CACNA2D3: variants seen among roughly 807,000 people sequenced by gnomAD.
CACNA2D3 encodes voltage-dependent calcium channel subunit alpha-2/delta-3.
A neutral mutation model predicts 160.6 loss-of-function variants in CACNA2D3; 60 were observed. The ratio of observed to expected loss-of-function variants is 0.37; its 90% CI spans 0.30 to 0.46. CACNA2D3 has a LOEUF of 0.46. Ranked by LOEUF, CACNA2D3 falls within the 20% of genes least tolerant of loss-of-function variation. CACNA2D3 has a pLI of 1.00. For missense variants in CACNA2D3, 1,205 were observed against 1,365.0 expected (o/e 0.88, Z 1.85); for synonymous variants, 558 against 492.9 (o/e 1.13, Z -1.75).
rs572126263 is a variant in CACNA2D3 at position 55,045,297 on chromosome 3, A to T, written c.2987+26980A>T. 4.6e-5 allele frequency among the ~76,000 whole-genome samples: 7 copies of T among 152,180 alleles called. No homozygotes were observed. The South Asian group carries it at 1.5e-3, about 32-fold the overall frequency. On this transcript the variant is annotated intron_variant, in intron 35 of 37. Transcript: ENST00000474759. Reference sequence around the variant, plus strand: ...ACTCCTGACCTCAGGTGATCCACCCACCTCGGCCTCCCAAAGTGCTGGGAT... The same window carrying T: ...ACTCCTGACCTCAGGTGATCCACCCTCCTCGGCCTCCCAAAGTGCTGGGAT...
chr3:54,221,875 G>A (rs760200751), intron 2 of CACNA2D3, among the ~76,000 whole-genome samples: 15 of 151,242 alleles, frequency 9.9e-5, no homozygotes, highest in Non-Finnish European at 1.5e-4. Flanking sequence ...TTGAGATGAG[G>A]CATTCTTCTG....
At position 54,592,137 on chromosome 3, in the gene CACNA2D3, C is replaced by T. The variant is rs185215477; in HGVS notation, c.963+10260C>T. Among the ~76,000 whole-genome samples, 43 of 152,198 alleles carry T rather than the reference C, an allele frequency of 2.8e-4. No homozygotes were observed. In the East Asian group the frequency reaches 7.7e-3, roughly 27 times the overall value. On this transcript the variant is annotated intron_variant, in intron 9 of 37. Transcript: ENST00000474759. ...CTGGTTTCACAATACTCGGGTGACC[C>T]CCTGAGAAGTCAGAAGTAGATCATT...
At chr3:54,233,638 G>A (rs1248955313) in intron 2 of CACNA2D3, among the ~76,000 whole-genome samples, 1 of 152,134 alleles carries the variant, frequency 6.6e-6, no homozygotes, top group Non-Finnish European at 1.5e-5. Context: ...TCATTCTTTG[G>A]GACAGAATTC....
intron 11 of CACNA2D3, among the ~76,000 whole-genome samples, chr3:54,698,248 G>T (rs926948656): frequency 2.0e-5 from 3 of 152,152 alleles, no homozygotes; most frequent in African/African-American, 7.2e-5. Flanking sequence ...GCAAATTAGG[G>T]GGTGTAGGTT....
At chr3:54,644,579 T>C (rs1024376084) in intron 11 of CACNA2D3, among the ~76,000 whole-genome samples, 2 of 152,220 alleles carry the variant, frequency 1.3e-5, no homozygotes, top group African/African-American at 4.8e-5. Flanking sequence ...TAGAGAGTTG[T>C]GCCATGTTGT....
intron 5 of CACNA2D3, among the ~76,000 whole-genome samples, chr3:54,532,649 G>C (rs1208058346): frequency 6.6e-6 from 1 of 152,172 alleles, no homozygotes; most frequent in Admixed American, 6.5e-5. Context: ...TTTTATGGGT[G>C]AGTAATATTC....
At chr3:54,432,177 A>G (rs1192749731) in intron 4 of CACNA2D3, among the ~76,000 whole-genome samples, 2 of 152,234 alleles carry the variant, frequency 1.3e-5, no homozygotes, top group Non-Finnish European at 2.9e-5. Flanking sequence ...GTGTGTTCAT[A>G]GATATACATC....
intron 9 of CACNA2D3, among the ~76,000 whole-genome samples, chr3:54,585,611 G>A: frequency 6.6e-6 from 1 of 150,930 alleles, no homozygotes; most frequent in Admixed American, 6.8e-5. Context: ...TCACAATCAT[G>A]GCAGAAGGCA....
At chr3:54,181,391 A>C (rs1402640155) in intron 2 of CACNA2D3, among the ~76,000 whole-genome samples, 1 of 152,236 alleles carries the variant, frequency 6.6e-6, no homozygotes, top group Non-Finnish European at 1.5e-5. Context: ...AACATTGGCT[A>C]CTTACAAATT....
At chr3:54,489,605 G>C (rs1245042529) in intron 4 of CACNA2D3, among the ~76,000 whole-genome samples, 2 of 152,232 alleles carry the variant, frequency 1.3e-5, no homozygotes, top group Non-Finnish European at 2.9e-5. Flanking sequence ...ATGCGGAGCT[G>C]AGAGGCTGTA....
rs1009964575 is a variant in CACNA2D3, at chr3:54,899,841, G to A, written c.2422G>A (p.Asp808Asn). ...AGCAAGTACATCCATCCAGCTCCTG[G>A]ATGAACGGAAATCTCCTGTGGTGGC... ...VTASTSIQLL[D>N]ERKSPVVAAV... is the part of the protein sequence containing the mutation. Residue 808 changes from aspartate to asparagine, a missense_variant, in exon 27 of 38, where the codon GAT (aspartate) becomes AAT (asparagine). Transcript: ENST00000474759. 6.2e-7 allele frequency: 1 copy of A among 1,606,854 alleles called. No individual in the cohort carries two copies. The highest frequency in any genetic ancestry group is 2.2e-5 in the East Asian group (1 of 44,730).
At chr3:54,677,989 C>A (rs1700274889) in intron 11 of CACNA2D3, among the ~76,000 whole-genome samples, 1 of 152,068 alleles carries the variant, frequency 6.6e-6, no homozygotes, top group African/African-American at 2.4e-5. Context: ...GAAAAATTCA[C>A]AGAACAAAAA....
At chr3:55,056,195 A>C (rs1015813846) in intron 35 of CACNA2D3, among the ~76,000 whole-genome samples, 2 of 152,204 alleles carry the variant, frequency 1.3e-5, no homozygotes, top group Non-Finnish European at 2.9e-5. Flanking sequence ...CAATAGATCT[A>C]TGAAAAACAT....
intron 5 of CACNA2D3, among the ~76,000 whole-genome samples, chr3:54,507,267 T>A (rs1223995943): frequency 6.6e-6 from 1 of 152,194 alleles, no homozygotes; most frequent in African/African-American, 2.4e-5. Flanking sequence ...CTGTCCCTCC[T>A]TTCCTGCTTG....
In CACNA2D3 at chr3:54,503,628, A is replaced by C; in HGVS notation, c.518A>C (p.Gln173Pro). ...GTGAACATCAGTCTAAGTGACGTCC[A>C]AGTACCAACGAACATGTACAACAAA... ...LPVNISLSDV[Q>P]VPTNMYNKDP... The change falls in exon 5 of 38, where the codon CAA (glutamine) becomes CCA (proline). Residue 173 changes from glutamine to proline, a missense_variant. This residue lies in a region of CACNA2D3 where 131 missense variants were observed against 201.5 expected (regional missense o/e 0.65). Transcript: ENST00000474759. 6.2e-7 allele frequency: 1 copy of C among 1,613,882 alleles called. No individual in the cohort carries two copies. Among genetic ancestry groups the C allele is most frequent in the Non-Finnish European group, 8.5e-7 (1 of 1,179,816 alleles).
intron 13 of CACNA2D3, among the ~76,000 whole-genome samples, chr3:54,767,756 A>C (rs953592453): frequency 6.6e-6 from 1 of 152,150 alleles, no homozygotes; most frequent in Non-Finnish European, 1.5e-5. Context: ...CAAAACAATA[A>C]TGTGGTCATG....
At chr3:54,450,409 C>T (rs1686602255) in intron 4 of CACNA2D3, among the ~76,000 whole-genome samples, 1 of 152,100 alleles carries the variant, frequency 6.6e-6, no homozygotes, top group Non-Finnish European at 1.5e-5. Flanking sequence ...ACTCTTAAGT[C>T]CAAAATCTCT....
chr3:54,543,537 G>A (rs6414586), intron 5 of CACNA2D3, among the ~76,000 whole-genome samples: 151,147 of 152,296 alleles, frequency 0.99, 75,020 homozygotes, highest in South Asian at 1. Flanking sequence ...GATGAAATGC[G>A]CTCAGTGAAG....
chr3:54,147,238 G>A (rs1700049090), intron 2 of CACNA2D3, among the ~76,000 whole-genome samples: 1 of 152,240 alleles, frequency 6.6e-6, no homozygotes, highest in African/African-American at 2.4e-5. Flanking sequence ...TGTAAAATGA[G>A]GAGACCAGTC....
Sources: allele counts gnomAD v4.1 joint callset (sites outside exome capture counted in the v4.1 genomes callset), GRCh38; gene constraint gnomAD v4.1.1; regional missense constraint gnomAD v4.1.1; transcripts MANE v1.5; gene names NCBI Gene and HGNC (gene_info 2026-07-23, HGNC 2026-07-21).